Variants in ENPP2 observed in about 807,000 individuals in gnomAD.
The protein encoded by ENPP2 is ectonucleotide pyrophosphatase/phosphodiesterase 2, also known as autotaxin.
ENPP2 carries 51 observed loss-of-function variants against 120.2 expected under a neutral mutation model. The observed-to-expected ratio is 0.42, with a 90% CI of 0.34 to 0.54. The LOEUF (loss-of-function observed/expected upper bound fraction) is 0.54. ENPP2 is among the 20% of genes least tolerant of loss of function. ENPP2 has a pLI of 0.04. For synonymous variants in ENPP2, 365 were observed against 366.4 expected, an observed-to-expected ratio of 1.00 and a Z score of 0.04; for missense variants, 920 against 1,066.5, an observed-to-expected ratio of 0.86 and a Z score of 1.91.
chr8:119,581,569 T>A (rs1417740490), intron 18 of ENPP2, among the ~76,000 whole-genome samples: 1 of 152,024 alleles, frequency 6.6e-6, no homozygotes, highest in Non-Finnish European at 1.5e-5. Flanking sequence ...AATAGTTCCT[T>A]CCTATTCGGT....
At chr8:119,614,332 T>C (rs1209851841) in intron 8 of ENPP2, among the ~76,000 whole-genome samples, 2 of 152,136 alleles carry the variant, frequency 1.3e-5, no homozygotes, top group African/African-American at 4.8e-5. Flanking sequence ...CCCAAAGTGC[T>C]GAGCCATCGC....
At chr8:119,566,462 G>C (rs748071373) in intron 22 of ENPP2, among the ~76,000 whole-genome samples, 1 of 152,118 alleles carries the variant, frequency 6.6e-6, no homozygotes, top group Non-Finnish European at 1.5e-5. Context: ...CAGCCCACAA[G>C]AGCCAAAATA....
intron 21 of ENPP2, 41 bp downstream of exon 21, chr8:119,569,194 C>CA: frequency 6.3e-7 from 1 of 1,593,446 alleles, no homozygotes; most frequent in Non-Finnish European, 8.6e-7. Flanking sequence ...CACAATGTGA[C>CA]ATCCCTCTGA....
At chr8:119,568,559 T>C (rs1391076887) in intron 21 of ENPP2, among the ~76,000 whole-genome samples, 3 of 151,902 alleles carry the variant, frequency 2.0e-5, no homozygotes, top group Non-Finnish European at 2.9e-5. Flanking sequence ...CCATTTAGAC[T>C]TAAAAAAAAA....
Position 119,592,546 on chromosome 8 carries a change from T to A in ENPP2, c.1081+1206A>T, listed in dbSNP as rs186716823. ...GTCCCAAACCAAATGGATCTACTCA[T>A]CTTGGAAGCCTACACACTGACAAGC... On this transcript the variant is annotated intron_variant, in intron 12 of 24. Transcript: ENST00000075322. Among the ~76,000 whole-genome samples, 34 of 149,228 alleles carry A rather than the reference T, an allele frequency of 2.3e-4. 1 individual carries two copies. Among genetic ancestry groups the A allele is most frequent in the African/African-American group, 7.6e-4 (31 of 40,608 alleles).
intron 2 of ENPP2, among the ~76,000 whole-genome samples, chr8:119,634,004 G>A (rs1816842505): frequency 6.6e-6 from 1 of 151,272 alleles, no homozygotes; most frequent in African/African-American, 2.5e-5. Context: ...CTAACATGGT[G>A]AAACCTCATC....
At chr8:119,601,192 T>G (rs535053629) in intron 10 of ENPP2, among the ~76,000 whole-genome samples, 2 of 152,330 alleles carry the variant, frequency 1.3e-5, no homozygotes, top group East Asian at 1.9e-4. Flanking sequence ...ACAGAATTAA[T>G]AGCTGCAGTA....
intron 1 of ENPP2, among the ~76,000 whole-genome samples, chr8:119,644,673 C>T (rs1461466717): frequency 2.1e-5 from 3 of 143,550 alleles, no homozygotes; most frequent in Admixed American, 7.1e-5. Context: ...TATATATACA[C>T]ACACACATAT....
Position 119,570,767 on chromosome 8 carries a change from C to A in ENPP2, c.1855G>T (p.Glu619Ter). 1 of 1,594,926 alleles carries A rather than the reference C, an allele frequency of 6.3e-7. No homozygotes were observed. The highest frequency in any genetic ancestry group is 2.3e-5 in the East Asian group (1 of 44,276). ...AGGAATATTTCACTATAACCACTTTCAAAGTCAGTGTGATATAAGATATCA... is the reference window on the plus strand; with the variant it reads ...AGGAATATTTCACTATAACCACTTTAAAAGTCAGTGTGATATAAGATATCA... The part of the protein sequence containing the change: ...RYDILYHTDF[E>*]SGYSEIFLMP... The change falls in exon 20 of 25, where the codon GAA becomes TAA. Residue 619 changes from glutamate to a stop codon, truncating the protein, a stop_gained. Transcript: ENST00000075322. LOFTEE classifies it high-confidence loss of function.
chr8:119,644,007 C>T (rs1258120570), intron 1 of ENPP2, among the ~76,000 whole-genome samples: 1 of 151,872 alleles, frequency 6.6e-6, no homozygotes, highest in African/African-American at 2.4e-5. Context: ...TTGACTAGTG[C>T]AGGGAGAGCA....
intron 20 of ENPP2, among the ~76,000 whole-genome samples, chr8:119,569,742 CTGTGTGTGTGTG>C (rs55992622): frequency 5.5e-5 from 8 of 146,310 alleles, no homozygotes; most frequent in East Asian, 2.0e-4. Flanking sequence ...GACTATTTAT[CTGTGTGTGTGTG>C]TGTGTGTGTG....
intron 5 of ENPP2, chr8:119,618,242 C>A: frequency 2.1e-6 from 1 of 482,988 alleles, no homozygotes; most frequent in South Asian, 1.5e-5. Flanking sequence ...CATTTTTGTT[C>A]CGGGGATGTG....
intron 19 of ENPP2, among the ~76,000 whole-genome samples, chr8:119,575,151 A>G (rs1179080729): frequency 6.6e-6 from 1 of 152,196 alleles, no homozygotes; most frequent in African/African-American, 2.4e-5. Flanking sequence ...TGAAAGGTAC[A>G]CTGGGCAGGT....
intron 1 of ENPP2, among the ~76,000 whole-genome samples, chr8:119,668,088 TC>T (rs1563784023): frequency 1.3e-5 from 2 of 152,156 alleles, no homozygotes; most frequent in African/African-American, 4.8e-5. Flanking sequence ...AGATTAAATA[TC>T]CCTTCTCAGG....
chr8:119,588,235 A>G (rs1004868636), intron 13 of ENPP2, among the ~76,000 whole-genome samples: 4 of 152,148 alleles, frequency 2.6e-5, no homozygotes, highest in African/African-American at 4.8e-5. Flanking sequence ...CTGTCTTTCT[A>G]TAAGAGCTCT....
At chr8:119,592,862 T>C (rs1813634884) in intron 12 of ENPP2, 1 of 138,872 alleles carries the variant, frequency 7.2e-6, no homozygotes, top group Admixed American at 7.9e-5. Flanking sequence ...TTCTAATTTC[T>C]CATAGATCTT....
At chr8:119,627,865 AATATATAT>A (rs59289320) in intron 2 of ENPP2, among the ~76,000 whole-genome samples, 1 of 143,554 alleles carries the variant, frequency 7.0e-6, no homozygotes, top group Non-Finnish European at 1.5e-5. Flanking sequence ...CCGTCTTAAA[AATATATAT>A]ATATATATAT....
intron 1 of ENPP2, among the ~76,000 whole-genome samples, chr8:119,648,990 TA>T (rs898248302): frequency 2.0e-5 from 3 of 151,976 alleles, no homozygotes; most frequent in African/African-American, 7.3e-5. Flanking sequence ...CTACCAAAAA[TA>T]AAAAGTGAAA....
upstream of ENPP2, among the ~76,000 whole-genome samples, chr8:119,641,937 T>G (rs796598313): frequency 6.6e-6 from 1 of 152,176 alleles, no homozygotes; most frequent in East Asian, 1.9e-4. Context: ...GATTCCCAGA[T>G]AGGAAAAACT....
Sources: allele counts gnomAD v4.1 joint callset (sites outside exome capture counted in the v4.1 genomes callset), GRCh38; gene constraint gnomAD v4.1.1; transcripts MANE v1.5; gene names NCBI Gene and HGNC (gene_info 2026-07-23, HGNC 2026-07-21).